Variants in ENO2 observed in about 807,000 individuals in gnomAD.
ENO2 encodes gamma-enolase.
ENO2 carries 19 observed loss-of-function variants against 48.7 expected under a neutral mutation model. The observed-to-expected ratio is 0.39, with a 90% confidence interval of 0.27 to 0.57. The LOEUF is 0.57. Among genes scored for constraint, ENO2 ranks in the 20% least tolerant of loss-of-function variants. ENO2 has a pLI of 0.58. For synonymous variants in ENO2, 198 were observed against 213.4 expected (o/e 0.93, Z 0.63); for missense variants, 416 against 555.0 (o/e 0.75, Z 2.52).
Position 6,923,214 on chromosome 12 carries a change from C to A in ENO2, c.*414C>A, listed in dbSNP as rs782139774. On this transcript the variant is annotated 3_prime_UTR_variant, in exon 12 of 12. Coordinates refer to ENST00000229277, the MANE Select transcript of ENO2 (RefSeq NM_001975.3). ...CGTGTCTTCCACTTTGCATATGAGCCGTGAACTGTGCATAGTGCTGGGATG... is the reference window on the plus strand; with the variant it reads ...CGTGTCTTCCACTTTGCATATGAGCAGTGAACTGTGCATAGTGCTGGGATG... 2.2e-5 allele frequency: 5 copies of A among 223,300 alleles called. No individual in the cohort carries two copies. The highest frequency in any genetic ancestry group is 1.1e-4 in the African/African-American group (5 of 45,026). 13.8% of individuals were successfully genotyped at this position (223,300 alleles called of 1,614,324 possible). A position where few individuals can be genotyped will look rare whatever the true frequency, so the allele number is the denominator to read the frequency against.
chr12:6,921,043 T>G (rs1031989816), intron 8 of ENO2, among the ~76,000 whole-genome samples: 3 of 152,142 alleles, frequency 2.0e-5, no homozygotes, highest in Non-Finnish European at 4.4e-5. Context: ...TATCCCAAAG[T>G]GCTGGGATTA....
intron 8 of ENO2, among the ~76,000 whole-genome samples, chr12:6,920,251 A>G (rs1945328040): frequency 6.6e-6 from 1 of 152,074 alleles, no homozygotes; most frequent in African/African-American, 2.4e-5. Context: ...ACAGAGCGAA[A>G]GAAAATCAAC....
At chr12:6,921,406 G>T in intron 8 of ENO2, 175 bp from the exon 9 acceptor site, 1 of 591,432 alleles carries the variant, frequency 1.7e-6, no homozygotes, top group Non-Finnish European at 2.9e-6. Context: ...AAAAAAAAAA[G>T]TTAAGAATCA....
chr12:6,919,932 G>A (rs1477908327), intron 8 of ENO2, among the ~76,000 whole-genome samples, 169 bp downstream of exon 8: 1 of 152,164 alleles, frequency 6.6e-6, no homozygotes, highest in Non-Finnish European at 1.5e-5. Context: ...GGCTTTGTAT[G>A]TAGTGTAAAA....
chr12:6,920,140 G>A (rs2138187586), intron 8 of ENO2, among the ~76,000 whole-genome samples: 1 of 152,214 alleles, frequency 6.6e-6, no homozygotes, highest in South Asian at 2.1e-4. Context: ...TGGGACTGAT[G>A]TGTGAGTAGA....
At position 6,923,013 on chromosome 12, in the gene ENO2, T is replaced by C; in HGVS notation, c.*213T>C. ...TGCCCTACTCATTGGGGTTCCGCAC[T>C]TTCCACTTCTTCCTTTCTCTTTCTC... On this transcript the variant is annotated 3_prime_UTR_variant, in exon 12 of 12. Transcript: ENST00000229277. 1 of 544,530 alleles carries C rather than the reference T, an allele frequency of 1.8e-6. No individual in the cohort carries two copies. The highest frequency in any genetic ancestry group is 3.3e-4 in the Middle Eastern group (1 of 3,072). 33.7% of individuals were successfully genotyped at this position (544,530 alleles called of 1,614,324 possible).
rs1211202485 is a variant in ENO2, at chr12:6,916,074, G to C, written c.85+157G>C. ...TGTGGCGGTTGGATCCTCCTTGTCC[G>C]GGGAGCCAGGGTAGGTGGGTCTGTG... On this transcript the variant is annotated intron_variant, in intron 2 of 11. Coordinates refer to ENST00000229277, the MANE Select transcript of ENO2 (RefSeq NM_001975.3). This position sits in a 1 kb window ranked among gnomAD's most constrained non-coding sequence, Gnocchi z 4.5. Among the ~76,000 whole-genome samples the C allele has an allele frequency of 6.6e-6, 1 of 152,150 alleles. No homozygotes were observed. The highest frequency in any genetic ancestry group is 1.5e-5 in the Non-Finnish European group (1 of 68,008).
chr12:6,919,359 TAGTA>T (rs1482989710), intron 7 of ENO2, among the ~76,000 whole-genome samples: 1 of 152,162 alleles, frequency 6.6e-6, no homozygotes, highest in Admixed American at 6.5e-5. Flanking sequence ...AATGAAAGTA[TAGTA>T]AGTATTATTA....
chr12:6,918,691 C>T (rs1455665871), intron 7 of ENO2, among the ~76,000 whole-genome samples: 1 of 150,718 alleles, frequency 6.6e-6, no homozygotes, highest in Non-Finnish European at 1.5e-5. Context: ...TGTTAAGTTG[C>T]CACTGGAAGG....
intron 8 of ENO2, among the ~76,000 whole-genome samples, chr12:6,920,157 G>C (rs1243894100): frequency 1.3e-5 from 2 of 152,194 alleles, no homozygotes; most frequent in Non-Finnish European, 2.9e-5. Context: ...TAGAAAGAAG[G>C]CTGAGGGGGA....
rs1945349749 is a variant in ENO2 at position 6,922,500 on chromosome 12, A to C, written c.1235+98A>C. 1 of 1,492,974 alleles carries C rather than the reference A, an allele frequency of 6.7e-7. No individual in the cohort carries two copies. Among genetic ancestry groups the C allele is most frequent in the Non-Finnish European group, 9.3e-7 (1 of 1,072,864 alleles). The allele number at this position is 1,492,974 out of a possible 1,614,324, so 92.5% of individuals were successfully genotyped here. A position where few individuals can be genotyped will look rare whatever the true frequency, so the allele number is the denominator to read the frequency against. On this transcript the variant is annotated intron_variant, in intron 11 of 11. Transcript: ENST00000229277. The surrounding 1 kb of genome is among the most constrained non-coding windows in gnomAD (Gnocchi z 5.3). Reference sequence around the variant, plus strand: ...GCACCAAGGGCCTGGATAACAGTCCATTTCCTGGATAACAGTCCAACAGAT... The same window carrying C: ...GCACCAAGGGCCTGGATAACAGTCCCTTTCCTGGATAACAGTCCAACAGAT...
chr12:6,920,461 G>T (rs894517153), intron 8 of ENO2, among the ~76,000 whole-genome samples: 3 of 150,782 alleles, frequency 2.0e-5, no homozygotes, highest in Non-Finnish European at 4.4e-5. Flanking sequence ...GTGCAATGGC[G>T]CCATCTCGGC....
intron 1 of ENO2, 123 bp from the exon 2 acceptor site, chr12:6,915,698 A>AC: frequency 5.5e-5 from 6 of 109,330 alleles, no homozygotes; most frequent in South Asian, 1.5e-4. Context: ...CTCCCTACCC[A>AC]CCCCCCACCC....
In ENO2 at chr12:6,919,717, G is replaced by A; in HGVS notation, c.819G>A (p.Gly273=). 5 of 1,614,042 alleles carry A rather than the reference G, an allele frequency of 3.1e-6. No individual in the cohort carries two copies. The highest frequency in any genetic ancestry group is 2.5e-6 in the Non-Finnish European group (3 of 1,180,016). The change falls in exon 8 of 12, where the codon GGG becomes GGA. Residue 273 remains glycine (G), a synonymous_variant. Transcript: ENST00000229277. ...SPTDPSRYIT[G]DQLGALYQDF... ...CTGATCCTTCCCGATACATCACTGGGGACCAGCTGGGGGCACTCTACCAGG... is the reference window on the plus strand; with the variant it reads ...CTGATCCTTCCCGATACATCACTGGAGACCAGCTGGGGGCACTCTACCAGG...
chr12:6,919,787 G>A (rs1945323554), intron 8 of ENO2, 24 bp downstream of exon 8: 2 of 1,609,796 alleles, frequency 1.2e-6, no homozygotes, highest in African/African-American at 2.7e-5. Context: ...GTGTGAGGGG[G>A]AGGTCTGGGG....
At chr12:6,917,288 A>T in intron 5 of ENO2, 181 bp downstream of exon 5, 1 of 777,636 alleles carries the variant, frequency 1.3e-6, no homozygotes, top group Non-Finnish European at 2.0e-6. Flanking sequence ...GACAGTAGGC[A>T]GAAGGAAGAC....
chr12:6,915,693 T>TA, intron 1 of ENO2, 128 bp from the exon 2 acceptor site: 12 of 342,192 alleles, frequency 3.5e-5, no homozygotes, highest in South Asian at 4.4e-5. Context: ...AGCGCCTCCC[T>TA]ACCCACCCCC....
At position 6,916,579 on chromosome 12, in the gene ENO2, C is replaced by T; in HGVS notation, c.181+67C>T. On this transcript the variant is annotated intron_variant, in intron 3 of 11. Coordinates refer to ENST00000229277, the MANE Select transcript of ENO2 (RefSeq NM_001975.3). This position sits in a 1 kb window ranked among gnomAD's most constrained non-coding sequence, Gnocchi z 4.5. ...CTTATGCCCCTACCTCACACCAGTC[C>T]CCAGTCCTCCTCTAGCATGGCTTCC... 1.2e-6 allele frequency: 2 copies of T among 1,611,060 alleles called. No individual in the cohort carries two copies. The highest frequency in any genetic ancestry group is 1.7e-4 in the Middle Eastern group (1 of 6,006).
intron 8 of ENO2, 60 bp from the exon 9 acceptor site, chr12:6,921,521 T>G (rs1555142100): frequency 6.4e-7 from 1 of 1,562,582 alleles, no homozygotes; most frequent in Non-Finnish European, 8.8e-7. Flanking sequence ...TGTTCCTGCC[T>G]GATGTAGAGA....
Sources: allele counts gnomAD v4.1 joint callset (sites outside exome capture counted in the v4.1 genomes callset), GRCh38; gene constraint gnomAD v4.1.1; non-coding constraint Gnocchi (gnomAD v3.1); transcripts MANE v1.5; gene names NCBI Gene and HGNC (gene_info 2026-07-23, HGNC 2026-07-21).